Variants in KHDRBS2 observed in about 807,000 individuals in gnomAD.
The protein encoded by KHDRBS2 is KH domain-containing, RNA-binding, signal transduction-associated protein 2.
In KHDRBS2, 26 loss-of-function variants were observed where a neutral mutation model predicts 44.3. That is an observed-to-expected ratio of 0.59 (90% CI 0.43 to 0.81). KHDRBS2 has a LOEUF of 0.81. Among genes scored for constraint, KHDRBS2 ranks in the 40% least tolerant of loss-of-function variants. The pLI is 0.00. For synonymous variants in KHDRBS2, 194 were observed against 151.1 expected, an observed-to-expected ratio of 1.28 and a Z score of -2.08; for missense variants, 476 against 433.1, an observed-to-expected ratio of 1.10 and a Z score of -0.88.
At chr6:62,247,516 C>G (rs1337669464) in intron 1 of KHDRBS2, among the ~76,000 whole-genome samples, 2 of 151,960 alleles carry the variant, frequency 1.3e-5, no homozygotes, top group Non-Finnish European at 1.5e-5. Context: ...GAGAAACCAA[C>G]TACACTAAAT....
the KHDRBS2 span, among the ~76,000 whole-genome samples, chr6:61,589,044 ATC>A: frequency 6.6e-6 from 1 of 151,976 alleles, no homozygotes; most frequent in Non-Finnish European, 1.5e-5. Flanking sequence ...GGAGGGTAAC[ATC>A]ACACACACTA....
At chr6:61,952,946 G>C (rs1225861899) in intron 4 of KHDRBS2, among the ~76,000 whole-genome samples, 1 of 151,556 alleles carries the variant, frequency 6.6e-6, no homozygotes, top group Non-Finnish European at 1.5e-5. Context: ...CTGTAATATG[G>C]TTTCTTTGTA....
At chr6:61,615,459 C>CA in the KHDRBS2 span, among the ~76,000 whole-genome samples, 19 of 151,916 alleles carry the variant, frequency 1.3e-4, no homozygotes, top group African/African-American at 4.1e-4. Flanking sequence ...TTTAACAATA[C>CA]AAAAAATCAG....
At chr6:61,605,006 C>A in the KHDRBS2 span, among the ~76,000 whole-genome samples, 3 of 152,158 alleles carry the variant, frequency 2.0e-5, no homozygotes, top group African/African-American at 4.8e-5. Context: ...CATCCTCAAT[C>A]TTCAGAAAAG....
the KHDRBS2 span, among the ~76,000 whole-genome samples, chr6:61,588,449 T>A: frequency 1.2e-4 from 19 of 152,128 alleles, no homozygotes; most frequent in African/African-American, 4.1e-4. Flanking sequence ...AATGTGAGAG[T>A]GATACTTTGT....
chr6:61,793,310 T>C (rs7768078), intron 6 of KHDRBS2, among the ~76,000 whole-genome samples: 29,422 of 151,966 alleles, frequency 0.19, 3,970 homozygotes, highest in African/African-American at 0.37. Flanking sequence ...TGTAGGAATA[T>C]ATATGTCATT....
intron 6 of KHDRBS2, among the ~76,000 whole-genome samples, chr6:61,763,811 T>G (rs1779612962): frequency 6.6e-6 from 1 of 152,164 alleles, no homozygotes; most frequent in South Asian, 2.1e-4. Context: ...ACTATTTTTA[T>G]AAAAAAATTT....
chr6:62,210,136 G>A (rs552460267), intron 1 of KHDRBS2, among the ~76,000 whole-genome samples: 1 of 152,076 alleles, frequency 6.6e-6, no homozygotes, highest in South Asian at 2.1e-4. Context: ...CTGTGCTTTT[G>A]TTAATCTGCT....
At chr6:61,828,396 G>A (rs367811275) in intron 6 of KHDRBS2, among the ~76,000 whole-genome samples, 1 of 152,160 alleles carries the variant, frequency 6.6e-6, no homozygotes, top group Non-Finnish European at 1.5e-5. Context: ...GGCCTGAAAG[G>A]TTCCAATTAG....
the KHDRBS2 span, among the ~76,000 whole-genome samples, chr6:61,626,174 C>T: frequency 6.6e-6 from 1 of 152,084 alleles, no homozygotes; most frequent in Non-Finnish European, 1.5e-5. Flanking sequence ...TCTGATCATT[C>T]AAAGGTTGAA....
At chr6:61,827,236 T>A (rs1026127993) in intron 6 of KHDRBS2, among the ~76,000 whole-genome samples, 7 of 152,188 alleles carry the variant, frequency 4.6e-5, no homozygotes, top group Admixed American at 2.6e-4. Flanking sequence ...ACCGTGGTGC[T>A]CAAAATGCAC....
At chr6:61,730,079 GA>G (rs1004692150) in intron 7 of KHDRBS2, among the ~76,000 whole-genome samples, 4 of 151,864 alleles carry the variant, frequency 2.6e-5, no homozygotes, top group Admixed American at 6.6e-5. Context: ...ACAGTTTTCT[GA>G]AAAAAATAGT....
chr6:61,979,016 G>A (rs905074652), intron 3 of KHDRBS2, among the ~76,000 whole-genome samples: 1 of 152,050 alleles, frequency 6.6e-6, no homozygotes, highest in African/African-American at 2.4e-5. Context: ...TTGTGCCCAA[G>A]CCATTATTGA....
intron 2 of KHDRBS2, among the ~76,000 whole-genome samples, chr6:62,131,058 G>C (rs1294097566): frequency 2.0e-5 from 3 of 151,660 alleles, no homozygotes; most frequent in Non-Finnish European, 4.4e-5. Context: ...GAAAAACCTG[G>C]GCTATTTTTA....
At chr6:61,707,684 T>C (rs1769815764) in intron 7 of KHDRBS2, among the ~76,000 whole-genome samples, 1 of 151,668 alleles carries the variant, frequency 6.6e-6, no homozygotes, top group African/African-American at 2.4e-5. Flanking sequence ...ACACTATCAA[T>C]ACTACAAGCT....
chr6:61,916,548 C>T (rs1455715892), intron 4 of KHDRBS2, among the ~76,000 whole-genome samples: 4 of 151,780 alleles, frequency 2.6e-5, no homozygotes, highest in Non-Finnish European at 5.9e-5. Context: ...AAAAATGATG[C>T]AGGATGAATT....
chr6:62,201,748 G>A (rs1827038489), intron 1 of KHDRBS2, among the ~76,000 whole-genome samples: 1 of 151,702 alleles, frequency 6.6e-6, no homozygotes, highest in African/African-American at 2.4e-5. Flanking sequence ...TAAGCTAGTG[G>A]GGCAAATAAG....
chr6:61,819,485 G>T (rs79418110), intron 6 of KHDRBS2, among the ~76,000 whole-genome samples: 10,096 of 151,880 alleles, frequency 0.066, 401 homozygotes, highest in Middle Eastern at 0.13. Flanking sequence ...CATTCTTAAT[G>T]CTGTATACAG....
At chr6:61,695,829 TC>T (rs1767842980) in intron 8 of KHDRBS2, among the ~76,000 whole-genome samples, 1 of 152,150 alleles carries the variant, frequency 6.6e-6, no homozygotes, top group African/African-American at 2.4e-5. Flanking sequence ...AGGAAGATAC[TC>T]TTCTTCCTTT....
Sources: gnomAD v4.1 joint callset for allele counts (sites outside exome capture counted in the v4.1 genomes callset) on GRCh38, gnomAD v4.1.1 for gene constraint, MANE v1.5 for transcripts, NCBI Gene and HGNC (gene_info 2026-07-23, HGNC 2026-07-21) for gene names.